The following NFATC2 variants were observed in gnomAD, a reference collection of about 807,000 sequenced individuals.
The protein encoded by NFATC2 is nuclear factor of activated T-cells, cytoplasmic 2.
NFATC2 carries 22 observed loss-of-function variants against 87.3 expected under a neutral mutation model. That is an observed-to-expected ratio of 0.25 (90% CI 0.18 to 0.36). NFATC2 has a LOEUF of 0.36. Ranked by LOEUF, NFATC2 falls within the 10% of genes least tolerant of loss-of-function variation. NFATC2 has a pLI of 1.00. For synonymous variants in NFATC2, 565 were observed against 542.2 expected, an observed-to-expected ratio of 1.04 and a Z score of -0.58; for missense variants, 1,149 against 1,259.1, an observed-to-expected ratio of 0.91 and a Z score of 1.32.
chr20:51,393,772 G>A (rs574737171), intron 10 of NFATC2, among the ~76,000 whole-genome samples: 2 of 152,332 alleles, frequency 1.3e-5, no homozygotes, highest in East Asian at 1.9e-4. Context: ...AACCTAGGAA[G>A]TGAGAGGAGG....
At chr20:51,504,388 G>A (rs998536029) in intron 3 of NFATC2, among the ~76,000 whole-genome samples, 4 of 152,078 alleles carry the variant, frequency 2.6e-5, no homozygotes, top group African/African-American at 7.2e-5. Flanking sequence ...CACCAGCCTC[G>A]GCCTCCCAAA....
intron 10 of NFATC2, among the ~76,000 whole-genome samples, chr20:51,397,855 G>A (rs1305005748): frequency 6.6e-6 from 1 of 152,190 alleles, no homozygotes; most frequent in African/African-American, 2.4e-5. Flanking sequence ...ATTAGAATAT[G>A]GAGAAGATTA....
In NFATC2 at chr20:51,523,696, G is replaced by A. The variant is rs1417605581; in HGVS notation, c.545C>T (p.Thr182Ile). 1 of 1,612,988 alleles carries A rather than the reference G, an allele frequency of 6.2e-7. No homozygotes were observed. Among genetic ancestry groups the A allele is most frequent in the East Asian group, 2.2e-5 (1 of 44,832 alleles). ...SGSSASFISD[T>I]FSPYTSPCVS... ...GCAGGGCGAGGTGTAGGGGGAGAAG[G>A]TGTCAGAAATGAAGCTGGCAGAGGA... The change falls in exon 2 of 11, where the codon ACC (threonine) becomes ATC (isoleucine). Residue 182 changes from threonine (T) to isoleucine (I), a missense_variant. Thr to Ile is a moderately conservative substitution (Grantham distance 89). This residue lies in a region of NFATC2 where 563 missense variants were observed against 585.2 expected (regional missense o/e 0.96). Transcript: ENST00000371564. The surrounding 1 kb of genome is among the most constrained non-coding windows in gnomAD (Gnocchi z 6.9).
chr20:51,539,930 C>T (rs2076779335), intron 1 of NFATC2, among the ~76,000 whole-genome samples: 1 of 152,148 alleles, frequency 6.6e-6, no homozygotes. Context: ...TAATGCCTTC[C>T]AAAGAGTTTG....
At chr20:51,394,488 AC>A (rs1986771066) in intron 10 of NFATC2, among the ~76,000 whole-genome samples, 1 of 151,746 alleles carries the variant, frequency 6.6e-6, no homozygotes. Flanking sequence ...CGCTCATGTT[AC>A]CCAAGGCTCA....
chr20:51,497,920 C>G (rs1048431711), intron 3 of NFATC2, among the ~76,000 whole-genome samples: 2 of 152,178 alleles, frequency 1.3e-5, no homozygotes, highest in Admixed American at 6.5e-5. Flanking sequence ...AAACAATACT[C>G]TCTTTGACTC....
chr20:51,455,912 G>A (rs1273892579), intron 5 of NFATC2, among the ~76,000 whole-genome samples: 19 of 9,998 alleles, frequency 1.9e-3, no homozygotes, highest in African/African-American at 4.1e-3. Flanking sequence ...GGGTGGGTGG[G>A]TGGGTGGGTG....
chr20:51,492,377 G>T (rs2075907491), intron 3 of NFATC2, among the ~76,000 whole-genome samples: 1 of 152,184 alleles, frequency 6.6e-6, no homozygotes, highest in Admixed American at 6.5e-5. Context: ...GAGTGTGCGT[G>T]AGTGCGGCAT....
At chr20:51,433,847 T>C (rs1983160340) in intron 8 of NFATC2, among the ~76,000 whole-genome samples, 1 of 151,952 alleles carries the variant, frequency 6.6e-6, no homozygotes, top group Non-Finnish European at 1.5e-5. Context: ...TAGGCAAGGC[T>C]GTCTCTAACC....
chr20:51,393,121 G>A (rs151308559), intron 10 of NFATC2, among the ~76,000 whole-genome samples: 220 of 152,286 alleles, frequency 1.4e-3, no homozygotes, highest in Middle Eastern at 6.8e-3. Flanking sequence ...TCTGAATTCC[G>A]TGCTTTGCAA....
chr20:51,458,212 G>C (rs1231655869), intron 5 of NFATC2, among the ~76,000 whole-genome samples: 1 of 152,182 alleles, frequency 6.6e-6, no homozygotes, highest in Non-Finnish European at 1.5e-5. Context: ...TCTCAACCTT[G>C]ACACTATTGC....
chr20:51,542,422 G>C lies in NFATC2; in HGVS notation c.78C>G (p.Asp26Glu). The C allele has an allele frequency of 6.2e-7, 1 of 1,603,286 alleles. No homozygotes were observed. The highest frequency in any genetic ancestry group is 1.4e-5 in the African/African-American group (1 of 73,286). The stretch of plus-strand genomic sequence containing the variant: ...CGAAGAGGATGGAGAAGTCAAGCTC[G>C]TCTTGGGGGCTGCCCCCAGGCTCGT... Reference protein sequence around the residue: ...PGHEPGGSPQDELDFSILFDY... With the variant: ...PGHEPGGSPQEELDFSILFDY... Residue 26 changes from aspartate to glutamate, a missense_variant, in exon 1 of 11, where the codon GAC becomes GAG. Transcript: ENST00000371564.
rs1257530847 is a variant in NFATC2, at chr20:51,475,464, C to T, written c.1529G>A (p.Arg510Lys). 2.5e-6 allele frequency: 4 copies of T among 1,613,738 alleles called. No individual in the cohort carries two copies. The highest frequency in any genetic ancestry group is 1.1e-5 in the South Asian group (1 of 91,042). ...EIPLEPKNNMRATIDCAGILK... is the reference protein window; with the variant it reads ...EIPLEPKNNMKATIDCAGILK... ...CTCAGCTCCCAGCCCTTACGTTGCC[C>T]TCATGTTGTTTTTGGGCTCCAAGGG... The change falls in exon 4 of 11, where the codon AGG becomes AAG. Residue 510 changes from arginine to lysine, a missense_variant. Coordinates refer to ENST00000371564, the MANE Select transcript of NFATC2 (RefSeq NM_012340.5).
At position 51,538,964 on chromosome 20, in the gene NFATC2, G is replaced by A. The variant is rs2146791238; in HGVS notation, c.130+3406C>T. ...TGTGTCTCTCACCAAATGAGAGAAT[G>A]AGGACCCTAACACAATAGTTCAGAA... On this transcript the variant is annotated intron_variant, in intron 1 of 10. Coordinates refer to ENST00000371564, the MANE Select transcript of NFATC2 (RefSeq NM_012340.5). 2.6e-5 allele frequency among the ~76,000 whole-genome samples: 4 copies of A among 152,278 alleles called. 1 individual carries two copies. The South Asian group carries it at 8.3e-4, about 32-fold the overall frequency.
intron 3 of NFATC2, among the ~76,000 whole-genome samples, chr20:51,488,858 C>G (rs1489839155): frequency 2.0e-5 from 3 of 152,126 alleles, no homozygotes; most frequent in Non-Finnish European, 4.4e-5. Flanking sequence ...TATCACTTCC[C>G]TACTTAAAAT....
chr20:51,531,537 C>A (rs1285923231), intron 1 of NFATC2, among the ~76,000 whole-genome samples: 1 of 152,190 alleles, frequency 6.6e-6, no homozygotes, highest in Non-Finnish European at 1.5e-5. Flanking sequence ...CAAGCAAGAG[C>A]TCTACGCTGA....
chr20:51,416,747 TC>T (rs1980092850), intron 9 of NFATC2, among the ~76,000 whole-genome samples: 1 of 152,104 alleles, frequency 6.6e-6, no homozygotes, highest in Admixed American at 6.6e-5. Flanking sequence ...ACTGCTAATA[TC>T]CCCATTTTGC....
intron 6 of NFATC2, 149 bp from the exon 7 acceptor site, chr20:51,435,910 T>C (rs1983497616): frequency 3.1e-6 from 2 of 651,550 alleles, no homozygotes; most frequent in African/African-American, 1.8e-5. Flanking sequence ...TGTGTACATA[T>C]GTATTTATAC....
chr20:51,545,115 A>G (rs1365612156), upstream of NFATC2, among the ~76,000 whole-genome samples: 2 of 152,180 alleles, frequency 1.3e-5, no homozygotes, highest in African/African-American at 4.8e-5. Context: ...CAGGGACCCA[A>G]GGTCCAGATG....
Sources: allele counts gnomAD v4.1 joint callset (sites outside exome capture counted in the v4.1 genomes callset), GRCh38; gene constraint gnomAD v4.1.1; regional missense constraint gnomAD v4.1.1; non-coding constraint Gnocchi (gnomAD v3.1); transcripts MANE v1.5; gene names NCBI Gene and HGNC (gene_info 2026-07-23, HGNC 2026-07-21).